The following SGCD variants were observed in gnomAD, a reference collection of about 807,000 sequenced individuals.
SGCD encodes delta-sarcoglycan.
A neutral mutation model predicts 36.6 loss-of-function variants in SGCD; 18 were observed. The observed-to-expected ratio is 0.49, with a 90% CI of 0.34 to 0.73. The LOEUF is 0.73. SGCD is among the 30% of genes least tolerant of loss of function. The probability of loss-of-function intolerance (pLI) is 0.01; values close to 1 mark genes in which losing one functional copy is unlikely to be tolerated. For synonymous variants in SGCD, 133 were observed against 130.6 expected, an observed-to-expected ratio of 1.02 and a Z score of -0.12; for missense variants, 387 against 346.7, an observed-to-expected ratio of 1.12 and a Z score of -0.92.
chr5:155,931,196 T>C (rs1757092058), intron 1 of SGCD, among the ~76,000 whole-genome samples: 1 of 152,178 alleles, frequency 6.6e-6, no homozygotes, highest in Non-Finnish European at 1.5e-5. Context: ...TTTTTAGCTT[T>C]CTTAAAGCTT....
chr5:155,791,126 GA>G, the SGCD span, among the ~76,000 whole-genome samples: 1 of 152,052 alleles, frequency 6.6e-6, no homozygotes, highest in African/African-American at 2.4e-5. Flanking sequence ...TCAGAGACAA[GA>G]AAACCAAGGA....
intron 3 of SGCD, among the ~76,000 whole-genome samples, chr5:156,261,428 T>C (rs180933126): frequency 6.6e-6 from 1 of 152,310 alleles, no homozygotes; most frequent in Admixed American, 6.5e-5. Flanking sequence ...CATAAGATTA[T>C]AAATGGAGAT....
intron 1 of SGCD, among the ~76,000 whole-genome samples, chr5:155,874,835 G>T (rs1249334343): frequency 3.3e-5 from 5 of 152,142 alleles, no homozygotes; most frequent in African/African-American, 1.2e-4. Flanking sequence ...TGCTACCACT[G>T]CTTTGGAAAA....
At chr5:156,130,728 CT>C (rs550421549) in intron 3 of SGCD, among the ~76,000 whole-genome samples, 29 of 149,130 alleles carry the variant, frequency 1.9e-4, no homozygotes, top group East Asian at 7.8e-4. Context: ...TTCTTTCTTT[CT>C]TTTTTTTTTC....
chr5:155,992,681 A>T (rs1321169982), intron 1 of SGCD, among the ~76,000 whole-genome samples: 2 of 152,200 alleles, frequency 1.3e-5, no homozygotes, highest in African/African-American at 4.8e-5. Flanking sequence ...TTACTGGCAT[A>T]AAACAACCAG....
chr5:155,853,355 TCA>T, the SGCD span, among the ~76,000 whole-genome samples: 1 of 151,950 alleles, frequency 6.6e-6, no homozygotes, highest in East Asian at 1.9e-4. Context: ...TGGATTTGGA[TCA>T]CAGTTTCTTG....
chr5:156,526,594 T>G (rs1757652404), intron 4 of SGCD, among the ~76,000 whole-genome samples: 2 of 152,170 alleles, frequency 1.3e-5, no homozygotes, highest in Admixed American at 1.3e-4. Context: ...TTGCGTTTCT[T>G]TGCTCACACA....
intron 1 of SGCD, among the ~76,000 whole-genome samples, chr5:155,998,899 A>C (rs1043901072): frequency 9.9e-5 from 15 of 152,230 alleles, no homozygotes; most frequent in Non-Finnish European, 2.1e-4. Flanking sequence ...TAATTTCATT[A>C]GAAGTAAACG....
intron 1 of SGCD, among the ~76,000 whole-genome samples, chr5:156,099,806 A>G (rs1481734768): frequency 1.3e-5 from 2 of 152,138 alleles, no homozygotes; most frequent in South Asian, 4.1e-4. Context: ...ATTATAAATA[A>G]TAAATAATAA....
intron 3 of SGCD, among the ~76,000 whole-genome samples, chr5:156,501,267 G>C (rs1223890406): frequency 6.6e-6 from 1 of 152,138 alleles, no homozygotes; most frequent in Admixed American, 6.6e-5. Flanking sequence ...GAGATTCAAT[G>C]AGATTATAAA....
At chr5:156,624,453 C>T (rs75277132) in intron 6 of SGCD, among the ~76,000 whole-genome samples, 2 of 152,120 alleles carry the variant, frequency 1.3e-5, no homozygotes, top group Admixed American at 6.5e-5. Context: ...TGTTAGCGGG[C>T]GCCTGTAGTT....
At chr5:156,579,180 A>G (rs527561123) in intron 4 of SGCD, among the ~76,000 whole-genome samples, 6 of 152,320 alleles carry the variant, frequency 3.9e-5, no homozygotes, top group African/African-American at 1.4e-4. Context: ...CCCAGTAGTC[A>G]TTCAGGAGCA....
chr5:156,229,291 T>TATATATATATATATATATATATATATAG, intron 3 of SGCD, among the ~76,000 whole-genome samples: 1 of 122,270 alleles, frequency 8.2e-6, no homozygotes, highest in Non-Finnish European at 1.7e-5. Context: ...TATATATATA[T>TATATATATATATATATATATATATATAG]ATATATATAA....
the SGCD span, among the ~76,000 whole-genome samples, chr5:155,835,304 G>A: frequency 3.3e-4 from 50 of 152,072 alleles, no homozygotes; most frequent in African/African-American, 1.1e-3. Flanking sequence ...CACTGCGCCC[G>A]GCCTTGTAAT....
chr5:156,448,509 A>T (rs747970164), intron 3 of SGCD, among the ~76,000 whole-genome samples: 13 of 152,182 alleles, frequency 8.5e-5, no homozygotes, highest in Admixed American at 2.6e-4. Context: ...TGGCAATCCC[A>T]TCTTTTCAGG....
At chr5:156,349,049 AGAATAAT>A (rs1262663390) in intron 3 of SGCD, among the ~76,000 whole-genome samples, 1 of 152,158 alleles carries the variant, frequency 6.6e-6, no homozygotes, top group African/African-American at 2.4e-5. Context: ...AGCTACACGA[AGAATAAT>A]GAAACTGGAT....
intron 6 of SGCD, among the ~76,000 whole-genome samples, chr5:156,641,087 C>G (rs1561832541): frequency 6.6e-6 from 1 of 152,128 alleles, no homozygotes. Flanking sequence ...CAACTCATTT[C>G]CTTAAAAAGA....
chr5:156,062,455 G>C (rs1195823115), intron 1 of SGCD, among the ~76,000 whole-genome samples: 1 of 115,276 alleles, frequency 8.7e-6, no homozygotes, highest in Non-Finnish European at 1.8e-5. Context: ...CCCAGTAATG[G>C]GATGGCTGGG....
At chr5:156,639,318 T>G (rs1428202363) in intron 6 of SGCD, among the ~76,000 whole-genome samples, 1 of 152,190 alleles carries the variant, frequency 6.6e-6, no homozygotes, top group Non-Finnish European at 1.5e-5. Flanking sequence ...CTCTTCACAG[T>G]CTTCATGGAG....
Sources: allele counts gnomAD v4.1 joint callset (sites outside exome capture counted in the v4.1 genomes callset), GRCh38; gene constraint gnomAD v4.1.1; transcripts MANE v1.5; gene names NCBI Gene and HGNC (gene_info 2026-07-23, HGNC 2026-07-21).